The following GRIP1 variants were observed in gnomAD, a reference collection of about 807,000 sequenced individuals.
GRIP1 encodes the protein glutamate receptor-interacting protein 1.
In GRIP1, 45 loss-of-function variants were observed where a neutral mutation model predicts 129.9. The observed-to-expected ratio is 0.35, with a 90% CI of 0.27 to 0.44. The LOEUF is 0.44. Among genes scored for constraint, GRIP1 ranks in the 20% least tolerant of loss-of-function variants. The probability of loss-of-function intolerance (pLI) is 1.00; values close to 1 mark genes in which losing one functional copy is unlikely to be tolerated. For synonymous variants in GRIP1, 530 were observed against 520.8 expected, an observed-to-expected ratio of 1.02 and a Z score of -0.24; for missense variants, 1,196 against 1,396.8, an observed-to-expected ratio of 0.86 and a Z score of 2.29.
intron 15 of GRIP1, among the ~76,000 whole-genome samples, chr12:66,418,611 T>C (rs114017471): frequency 6.6e-6 from 1 of 152,020 alleles, no homozygotes; most frequent in African/African-American, 2.4e-5. Context: ...AATCTAGTAA[T>C]CCTATTAAAA....
rs1290849116 is a variant in GRIP1 at position 66,463,066 on chromosome 12, G to A, written c.900C>T (p.His300=). 1.2e-6 allele frequency: 2 copies of A among 1,613,774 alleles called. No individual in the cohort carries two copies. Among genetic ancestry groups the A allele is most frequent in the Non-Finnish European group, 1.7e-6 (2 of 1,179,680 alleles). ...TGCTGGTTCCATCGATGGAGAGGAT[G>A]TGATCTCCCACATGCAATGCGCCAC... The part of the protein sequence containing the change: ...DRCGALHVGD[H]ILSIDGTSME... Residue 300 remains histidine, a synonymous_variant, in exon 9 of 25, where the codon CAC becomes CAT. Transcript: ENST00000359742.
chr12:66,413,412 C>T (rs1200744363), intron 15 of GRIP1, among the ~76,000 whole-genome samples: 1 of 151,768 alleles, frequency 6.6e-6, no homozygotes, highest in Non-Finnish European at 1.5e-5. Context: ...CTAATGAGAA[C>T]AAAGAGACCA....
chr12:66,909,324 T>C (rs2040990621), intron 1 of GRIP1, among the ~76,000 whole-genome samples: 1 of 152,228 alleles, frequency 6.6e-6, no homozygotes, highest in South Asian at 2.1e-4. Context: ...GAAGGTCATA[T>C]GCCAAAGACT....
chr12:66,546,594 C>T (rs1241910924), intron 2 of GRIP1, among the ~76,000 whole-genome samples: 1 of 152,134 alleles, frequency 6.6e-6, no homozygotes, highest in Non-Finnish European at 1.5e-5. Context: ...ATATGACATA[C>T]TGTTTTTTGA....
At position 66,655,125 on chromosome 12, in the gene GRIP1, C is replaced by A. The variant is rs182540322; in HGVS notation, c.55+23725G>T. Among the ~76,000 whole-genome samples, 264 of 152,306 alleles carry A rather than the reference C, an allele frequency of 1.7e-3. 1 individual carries two copies. The highest frequency in any genetic ancestry group is 6.1e-3 in the African/African-American group (255 of 41,554). ...GTAACAAAATGATCCAGATACTACT[C>A]TGGATCAACTTCTCCAACTCATATC... On this transcript the variant is annotated intron_variant, in intron 1 of 24. Coordinates refer to ENST00000359742, the MANE Select transcript of GRIP1 (RefSeq NM_001366722.1).
intron 7 of GRIP1, 61 bp downstream of exon 7, chr12:66,515,558 A>C: frequency 6.9e-7 from 1 of 1,459,516 alleles, no homozygotes. Context: ...AACATGGTTT[A>C]TCAGGGACAG....
chr12:66,679,103 T>C (rs2034474584), upstream of GRIP1: 3 of 1,475,166 alleles, frequency 2.0e-6, no homozygotes, highest in South Asian at 4.1e-5. Context: ...TCACTACTAC[T>C]ACCACCCCTG....
In GRIP1 at chr12:66,380,852, A is replaced by G. The variant is rs539742140; in HGVS notation, c.2465-1416T>C. ...GACTTGTGTGTGTGCATGTGTATTT[A>G]CATGGATGCGCTGGCTTGGAATATG... On this transcript the variant is annotated intron_variant, in intron 19 of 24. Coordinates refer to ENST00000359742, the MANE Select transcript of GRIP1 (RefSeq NM_001366722.1). Among the ~76,000 whole-genome samples, 108 of 152,300 alleles carry G rather than the reference A, an allele frequency of 7.1e-4. 1 individual carries two copies. The highest frequency in any genetic ancestry group is 1.2e-3 in the Non-Finnish European group (80 of 68,022).
chr12:66,416,801 G>C (rs574989812), intron 15 of GRIP1, among the ~76,000 whole-genome samples: 6 of 152,136 alleles, frequency 3.9e-5, no homozygotes, highest in African/African-American at 1.4e-4. Flanking sequence ...GGGACCCAAA[G>C]GCTTCACTGC....
intron 2 of GRIP1, among the ~76,000 whole-genome samples, chr12:66,594,279 G>C (rs935765544): frequency 6.6e-6 from 1 of 151,750 alleles, no homozygotes; most frequent in Non-Finnish European, 1.5e-5. Context: ...CCATGCTACC[G>C]GGGTGTTAAA....
chr12:66,662,861 T>C (rs759793870), intron 1 of GRIP1, among the ~76,000 whole-genome samples: 6 of 152,172 alleles, frequency 3.9e-5, no homozygotes, highest in East Asian at 1.9e-4. Flanking sequence ...GTTAGACATT[T>C]TGTCATGTTC....
chr12:66,494,814 G>C (rs1371822371), intron 7 of GRIP1, among the ~76,000 whole-genome samples: 1 of 152,138 alleles, frequency 6.6e-6, no homozygotes. Context: ...CCAAGAGTTT[G>C]AGGCTGCAAT....
At chr12:66,874,659 GCAGGTGCTACA>G (rs1198078955) in intron 1 of GRIP1, among the ~76,000 whole-genome samples, 3 of 152,000 alleles carry the variant, frequency 2.0e-5, no homozygotes, top group Non-Finnish European at 4.4e-5. Context: ...GAGAGACGCG[GCAGGTGCTACA>G]CATTTTTAAA....
intron 11 of GRIP1, among the ~76,000 whole-genome samples, chr12:66,450,067 G>A (rs957228708): frequency 5.3e-5 from 8 of 152,022 alleles, no homozygotes; most frequent in Non-Finnish European, 8.8e-5. Flanking sequence ...TTGGGAGGCC[G>A]AGTCGGGCGG....
intron 1 of GRIP1, among the ~76,000 whole-genome samples, chr12:67,066,888 T>TTTTATATATATATATATATATA (rs59891449): frequency 4.9e-4 from 62 of 125,636 alleles, no homozygotes; most frequent in South Asian, 1.1e-3. Context: ...AAATATATAT[T>TTTTATATATATATATATATATA]TATATATATA....
chr12:66,984,492 T>G (rs1342878460), intron 1 of GRIP1, among the ~76,000 whole-genome samples: 1 of 152,226 alleles, frequency 6.6e-6, no homozygotes, highest in Non-Finnish European at 1.5e-5. Flanking sequence ...GTGCTTACTG[T>G]GTGCCAGGTA....
At chr12:66,853,135 C>T (rs573537882) in intron 1 of GRIP1, among the ~76,000 whole-genome samples, 3 of 151,684 alleles carry the variant, frequency 2.0e-5, no homozygotes, top group Admixed American at 6.6e-5. Context: ...GGAGCTTTTT[C>T]TTCCGACTGT....
rs1276712566 is a variant in GRIP1 at position 66,946,775 on chromosome 12, G to GT, written c.58+122274_58+122275insA. Among the ~76,000 whole-genome samples the GT allele has an allele frequency of 5.2e-3, 583 of 112,268 alleles. 13 individuals are homozygous for GT. Among genetic ancestry groups the GT allele is most frequent in the African/African-American group, 0.02 (530 of 26,846 alleles). 73.7% of individuals were successfully genotyped at this position (112,268 alleles called of 152,430 possible). A position where few individuals can be genotyped will look rare whatever the true frequency, so the allele number is the denominator to read the frequency against. On this transcript the variant is annotated intron_variant, in intron 1 of 1. Transcript: ENST00000643019. ...GGGAGGCAGCGGGGGTCGGGGGGTG[G>GT]GGTGGGGGATGGGGGGGGTGTGGGG...
chr12:66,804,514 G>C (rs554779710), upstream of GRIP1, among the ~76,000 whole-genome samples: 3 of 152,062 alleles, frequency 2.0e-5, no homozygotes, highest in Non-Finnish European at 2.9e-5. Flanking sequence ...GCAAAGCTTT[G>C]GACTTTAAAT....
Sources: gnomAD v4.1 joint callset for allele counts (sites outside exome capture counted in the v4.1 genomes callset) on GRCh38, gnomAD v4.1.1 for gene constraint, MANE v1.5 for transcripts, NCBI Gene and HGNC (gene_info 2026-07-23, HGNC 2026-07-21) for gene names.